RIMBP2: variants seen among roughly 807,000 people sequenced by gnomAD.
The protein encoded by RIMBP2 is RIMS binding protein 2, also known as RIMS-binding protein 2.
Under a neutral mutation model 118.6 loss-of-function variants are expected in RIMBP2, and 48 were observed. That is an observed-to-expected ratio of 0.40 (90% confidence interval 0.32 to 0.51). The LOEUF (loss-of-function observed/expected upper bound fraction) is 0.51, where lower values mean the gene tolerates loss of function less well. Among genes scored for constraint, RIMBP2 ranks in the 20% least tolerant of loss-of-function variants. RIMBP2 has a pLI of 0.41. For missense variants in RIMBP2, 1,551 were observed against 1,768.3 expected, an observed-to-expected ratio of 0.88 and a Z score of 2.20; for synonymous variants, 762 against 742.9, an observed-to-expected ratio of 1.03 and a Z score of -0.42.
chr12:130,684,810 G>C (rs1191060231), intron 1 of RIMBP2, among the ~76,000 whole-genome samples: 3 of 152,028 alleles, frequency 2.0e-5, no homozygotes, highest in Non-Finnish European at 2.9e-5. Flanking sequence ...ATTACCCTTA[G>C]GGTGGACACC....
At chr12:130,588,105 C>T (rs1382407878) in intron 2 of RIMBP2, among the ~76,000 whole-genome samples, 1 of 152,072 alleles carries the variant, frequency 6.6e-6, no homozygotes, top group Non-Finnish European at 1.5e-5. Context: ...TCTGAATCAT[C>T]TCCTTTCCCT....
At position 130,703,187 on chromosome 12, in the gene RIMBP2, G is replaced by C. The variant is rs545002757; in HGVS notation, c.-352+13035C>G. Reference sequence around the variant, plus strand: ...AAAGTGGTCCGGCCTCCTAGCATGGGGGCAGCCAATTAACCAGGAGAGTCA... The same window carrying C: ...AAAGTGGTCCGGCCTCCTAGCATGGCGGCAGCCAATTAACCAGGAGAGTCA... On this transcript the variant is annotated intron_variant, in intron 1 of 22. Transcript: ENST00000690449. This position sits in a 1 kb window ranked among gnomAD's most constrained non-coding sequence, Gnocchi z 5.7. 1.3e-5 allele frequency among the ~76,000 whole-genome samples: 2 copies of C among 152,170 alleles called. No individual in the cohort carries two copies. Among genetic ancestry groups the C allele is most frequent in the African/African-American group, 4.8e-5 (2 of 41,526 alleles).
intron 7 of RIMBP2, among the ~76,000 whole-genome samples, chr12:130,454,735 A>T (rs190871906): frequency 1.3e-5 from 2 of 152,248 alleles, no homozygotes; most frequent in Non-Finnish European, 1.5e-5. Flanking sequence ...GTGGTTAATC[A>T]GATTCCTTTT....
intron 2 of RIMBP2, among the ~76,000 whole-genome samples, chr12:130,520,072 G>C (rs1217411761): frequency 6.6e-6 from 1 of 152,208 alleles, no homozygotes; most frequent in Non-Finnish European, 1.5e-5. Context: ...TTTAGGAAGA[G>C]TGAATTGCAA....
At chr12:130,601,301 C>A (rs1430482177) in intron 2 of RIMBP2, among the ~76,000 whole-genome samples, 1 of 141,872 alleles carries the variant, frequency 7.0e-6, no homozygotes, top group Non-Finnish European at 1.5e-5. Context: ...ACGGGCTGCT[C>A]ACCCACCCTG....
rs1206052465 is a variant in RIMBP2, at chr12:130,617,896, GA to G, written c.-217+10425del. On this transcript the variant is annotated intron_variant, in intron 2 of 22. Coordinates refer to ENST00000690449, the MANE Select transcript of RIMBP2 (RefSeq NM_001393629.1). This position sits in a 1 kb window ranked among gnomAD's most constrained non-coding sequence, Gnocchi z 4.6. ...TCTCTTTAGAACTGGGAGATTCTTA[GA>G]AACATCTAACTCGGCCGGGTGTGGT... 8.5e-5 allele frequency among the ~76,000 whole-genome samples: 13 copies of G among 152,100 alleles called. No individual in the cohort carries two copies. The highest frequency in any genetic ancestry group is 3.1e-4 in the African/African-American group (13 of 41,500).
At chr12:130,701,775 G>A (rs867967663) in intron 1 of RIMBP2, among the ~76,000 whole-genome samples, 3 of 151,952 alleles carry the variant, frequency 2.0e-5, no homozygotes, top group South Asian at 2.1e-4. Flanking sequence ...TTTAAATAAC[G>A]CATCCTTCAA....
chr12:130,598,530 C>T (rs2059684598), intron 2 of RIMBP2, among the ~76,000 whole-genome samples: 1 of 152,096 alleles, frequency 6.6e-6, no homozygotes, highest in Non-Finnish European at 1.5e-5. Context: ...AGATCGAGAC[C>T]ATCCTGGCTA....
At chr12:130,606,091 G>C (rs2060168061) in intron 2 of RIMBP2, among the ~76,000 whole-genome samples, 1 of 151,112 alleles carries the variant, frequency 6.6e-6, no homozygotes, top group East Asian at 1.9e-4. Flanking sequence ...AAAGAAAAGA[G>C]AGGAAAAAAA....
chr12:130,675,222 G>C (rs556040977), intron 1 of RIMBP2, among the ~76,000 whole-genome samples: 1 of 152,330 alleles, frequency 6.6e-6, no homozygotes, highest in Admixed American at 6.5e-5. Context: ...TGAGACAGGC[G>C]GGTTTGTCCG....
intron 1 of RIMBP2, among the ~76,000 whole-genome samples, chr12:130,681,004 T>C (rs573968488): frequency 6.2e-4 from 94 of 152,358 alleles, no homozygotes; most frequent in African/African-American, 1.8e-3. Context: ...CAGGGCATTC[T>C]CTGTGCAGGC....
Position 130,428,323 on chromosome 12 carries a change from A to C in RIMBP2, c.2268T>G (p.His756Gln), listed in dbSNP as rs971844474. The C allele has an allele frequency of 6.2e-7, 1 of 1,609,802 alleles. No homozygotes were observed. Among genetic ancestry groups the C allele is most frequent in the Non-Finnish European group, 8.5e-7 (1 of 1,177,884 alleles). The change falls in exon 15 of 23, where the codon CAT (histidine) becomes CAG (glutamine). Residue 756 changes from histidine (H) to glutamine (Q), a missense_variant. Coordinates refer to ENST00000690449, the MANE Select transcript of RIMBP2 (RefSeq NM_001393629.1). ...TGCTCTCTGTGTGGTACTCGTCTCC[A>C]TGGCAACAGTGCGGCTGGGGGCCAA... is the stretch of plus-strand genomic sequence containing the variant. ...SELGKQPHCCHGDEYHTESSR... is the reference protein window; with the variant it reads ...SELGKQPHCCQGDEYHTESSR...
intron 4 of RIMBP2, among the ~76,000 whole-genome samples, chr12:130,498,501 G>A (rs1644097772): frequency 6.6e-6 from 1 of 152,118 alleles, no homozygotes; most frequent in African/African-American, 2.4e-5. Context: ...TGAAGAAATG[G>A]AACCCAGTGA....
intron 3 of RIMBP2, among the ~76,000 whole-genome samples, chr12:130,513,468 A>C (rs1420701220): frequency 1.3e-5 from 2 of 152,182 alleles, no homozygotes; most frequent in Non-Finnish European, 2.9e-5. Flanking sequence ...TGTGACGAAA[A>C]CCTTGAACCT....
At position 130,434,976 on chromosome 12, in the gene RIMBP2, C is replaced by T. The variant is rs1217460353; in HGVS notation, c.2107-96G>A. On this transcript the variant is annotated intron_variant, in intron 13 of 22. Coordinates refer to ENST00000690449, the MANE Select transcript of RIMBP2 (RefSeq NM_001393629.1). This position sits in a 1 kb window ranked among gnomAD's most constrained non-coding sequence, Gnocchi z 5.7. The stretch of plus-strand genomic sequence containing the variant: ...CACCAAACCTTCAGCCCCTCAGAGC[C>T]TGGCCAGGCACCCCCCACACAGTGC... The T allele has an allele frequency of 2.2e-6, 3 of 1,344,854 alleles. No individual in the cohort carries two copies. The highest frequency in any genetic ancestry group is 3.0e-6 in the Non-Finnish European group (3 of 990,942). 83.3% of individuals were successfully genotyped at this position (1,344,854 alleles called of 1,614,324 possible). A position where few individuals can be genotyped will look rare whatever the true frequency, so the allele number is the denominator to read the frequency against.
intron 13 of RIMBP2, among the ~76,000 whole-genome samples, chr12:130,435,287 G>T (rs2077434630): frequency 6.6e-6 from 1 of 152,052 alleles, no homozygotes; most frequent in African/African-American, 2.4e-5. Flanking sequence ...CAGGTGATCT[G>T]CCCACCTCGG....
At chr12:130,428,769 G>A (rs1813134454) in intron 14 of RIMBP2, 1 of 156,268 alleles carries the variant, frequency 6.4e-6, no homozygotes, top group African/African-American at 2.4e-5. Flanking sequence ...GAGAGGCAGG[G>A]GGATAGTGGT....
chr12:130,438,334 A>ATCCGGGGGGGGCCCCCCC, intron 12 of RIMBP2, 31 bp downstream of exon 12: 1 of 1,344,516 alleles, frequency 7.4e-7, no homozygotes, highest in Non-Finnish European at 1.1e-6. Context: ...GGGCCTAACA[A>ATCCGGGGGGGGCCCCCCC]ACCCTCCCCA....
intron 4 of RIMBP2, among the ~76,000 whole-genome samples, chr12:130,485,741 G>A (rs914029408): frequency 3.3e-5 from 5 of 152,316 alleles, no homozygotes; most frequent in East Asian, 3.9e-4. Flanking sequence ...AGCTCCGGGC[G>A]TGGTCCTGCG....
Sources: allele counts gnomAD v4.1 joint callset (sites outside exome capture counted in the v4.1 genomes callset), GRCh38; gene constraint gnomAD v4.1.1; non-coding constraint Gnocchi (gnomAD v3.1); transcripts MANE v1.5; gene names NCBI Gene and HGNC (gene_info 2026-07-23, HGNC 2026-07-21).